TMEM267: variants seen among roughly 807,000 people sequenced by gnomAD.
TMEM267 encodes the protein transmembrane protein C5orf28.
Under a neutral mutation model 19.3 loss-of-function variants are expected in TMEM267, and 20 were observed. The ratio of observed to expected loss-of-function variants is 1.04; its 90% CI spans 0.73 to 1.51. The LOEUF (loss-of-function observed/expected upper bound fraction) is 1.51. Among genes scored for constraint, TMEM267 ranks in the 40% most tolerant of loss-of-function variants. The pLI, the probability that TMEM267 is intolerant of heterozygous loss-of-function variation, is 0.00. For synonymous variants in TMEM267, 88 were observed against 90.3 expected, an observed-to-expected ratio of 0.97 and a Z score of 0.15; for missense variants, 242 against 261.9, an observed-to-expected ratio of 0.92 and a Z score of 0.52.
chr5:43,451,146 C>A (rs1166161851), intron 2 of TMEM267, among the ~76,000 whole-genome samples: 1 of 152,054 alleles, frequency 6.6e-6, no homozygotes, highest in African/African-American at 2.4e-5. Flanking sequence ...TTAATATTTA[C>A]CAGGACATGT....
chr5:43,463,431 T>C (rs1743403930), intron 1 of TMEM267, among the ~76,000 whole-genome samples: 1 of 152,130 alleles, frequency 6.6e-6, no homozygotes, highest in African/African-American at 2.4e-5. Context: ...CCTCCCTAAC[T>C]CATTTTATGA....
intron 1 of TMEM267, among the ~76,000 whole-genome samples, chr5:43,478,620 T>C (rs1440008110): frequency 6.6e-6 from 1 of 152,150 alleles, no homozygotes; most frequent in Non-Finnish European, 1.5e-5. Context: ...GGAGGAAATT[T>C]AGAACATTTA....
At position 43,476,508 on chromosome 5, in the gene TMEM267, C is replaced by CTTTT. The variant is rs67848213; in HGVS notation, c.-75+7310_-75+7313dup. On this transcript the variant is annotated intron_variant, in intron 1 of 2. Coordinates refer to ENST00000397080, the MANE Select transcript of TMEM267 (RefSeq NM_022483.5). ...ATCCTAACTGATACAAAAGCCAGAC[C>CTTTT]TTTTTTTTTTTTTTTTTTTTTTTTT... Among the ~76,000 whole-genome samples, 40 of 54,830 alleles carry CTTTT rather than the reference C, an allele frequency of 7.3e-4. 2 individuals are homozygous for CTTTT. Among genetic ancestry groups the CTTTT allele is most frequent in the African/African-American group, 1.6e-3 (21 of 12,824 alleles). The allele number at this position is 54,830 out of a possible 152,430, so 36.0% of individuals were successfully genotyped here.
chr5:43,481,198 G>A (rs1423956905), intron 1 of TMEM267, among the ~76,000 whole-genome samples: 2 of 146,074 alleles, frequency 1.4e-5, no homozygotes, highest in Non-Finnish European at 3.0e-5. Flanking sequence ...TTGAACTCAT[G>A]GGCTCCTGCT....
At chr5:43,464,109 T>A (rs865813654) in intron 1 of TMEM267, among the ~76,000 whole-genome samples, 1 of 152,154 alleles carries the variant, frequency 6.6e-6, no homozygotes, top group East Asian at 1.9e-4. Context: ...CAGCAAAGTC[T>A]CAGGATACAA....
At chr5:43,467,244 T>C (rs1743795026) in intron 1 of TMEM267, among the ~76,000 whole-genome samples, 1 of 151,290 alleles carries the variant, frequency 6.6e-6, no homozygotes, top group Middle Eastern at 3.2e-3. Context: ...TTATTAATGA[T>C]AACATTAAAT....
At chr5:43,466,607 T>C (rs1018921082) in intron 1 of TMEM267, among the ~76,000 whole-genome samples, 2 of 151,958 alleles carry the variant, frequency 1.3e-5, no homozygotes, top group African/African-American at 4.8e-5. Flanking sequence ...AAATAGAAAG[T>C]GAAAAAGTAG....
At position 43,466,329 on chromosome 5, in the gene TMEM267, T is replaced by C. The variant is rs552827840; in HGVS notation, c.-74-12286A>G. Among the ~76,000 whole-genome samples the C allele has an allele frequency of 2.0e-5, 3 of 152,314 alleles. No individual in the cohort carries two copies. In the East Asian group the frequency reaches 5.8e-4, roughly 29 times the overall value. On this transcript the variant is annotated intron_variant, in intron 1 of 2. Coordinates refer to ENST00000397080, the MANE Select transcript of TMEM267 (RefSeq NM_022483.5). ...CTTTTCAGTGGAAACCTTTTCAGGC[T>C]AGGAGACAGTGGTATGACATCTTAA...
intron 2 of TMEM267, 104 bp from the exon 3 acceptor site, chr5:43,446,661 TG>T (rs1742256800): frequency 1.5e-6 from 1 of 671,542 alleles, no homozygotes; most frequent in East Asian, 2.8e-5. Flanking sequence ...CTATTGGACA[TG>T]CAAAAGAAAC....
intron 1 of TMEM267, among the ~76,000 whole-genome samples, chr5:43,455,697 G>A (rs1411877085): frequency 2.0e-5 from 3 of 152,034 alleles, no homozygotes; most frequent in African/African-American, 4.8e-5. Flanking sequence ...ACAGGTGCCC[G>A]CCACCATGCC....
intron 1 of TMEM267, among the ~76,000 whole-genome samples, chr5:43,461,442 G>GT: frequency 6.6e-6 from 1 of 152,256 alleles, no homozygotes; most frequent in South Asian, 2.1e-4. Flanking sequence ...TTCACCTTAG[G>GT]TATCAGCACA....
intron 1 of TMEM267, among the ~76,000 whole-genome samples, chr5:43,468,779 A>G (rs766622554): frequency 6.6e-6 from 1 of 152,262 alleles, no homozygotes; most frequent in Non-Finnish European, 1.5e-5. Context: ...TGCAGAATAT[A>G]CATTCTTTTC....
chr5:43,459,740 T>C (rs938631564), intron 1 of TMEM267, among the ~76,000 whole-genome samples: 1 of 152,118 alleles, frequency 6.6e-6, no homozygotes, highest in African/African-American at 2.4e-5. Flanking sequence ...AATAATATAA[T>C]TTATAAATTT....
In TMEM267 at chr5:43,446,168, T is replaced by C. The variant is rs1246859296; in HGVS notation, c.*54A>G. The C allele has an allele frequency of 3.7e-6, 4 of 1,076,898 alleles. No homozygotes were observed. The highest frequency in any genetic ancestry group is 5.5e-6 in the Non-Finnish European group (4 of 733,036). 66.7% of individuals were successfully genotyped at this position (1,076,898 alleles called of 1,614,324 possible). A position where few individuals can be genotyped will look rare whatever the true frequency, so the allele number is the denominator to read the frequency against. ...TTTAAAAATTAACTTTAATGTTGGC[T>C]ACTCTTAATTATCATCATCTGAGCC... On this transcript the variant is annotated 3_prime_UTR_variant, in exon 3 of 3. Coordinates refer to ENST00000397080, the MANE Select transcript of TMEM267 (RefSeq NM_022483.5).
At chr5:43,481,182 G>T (rs577325326) in intron 1 of TMEM267, among the ~76,000 whole-genome samples, 2 of 139,648 alleles carry the variant, frequency 1.4e-5, no homozygotes, top group Non-Finnish European at 3.0e-5. Context: ...ATAGCTCACT[G>T]TAACCTTGAA....
chr5:43,472,263 T>C (rs1391506619), intron 1 of TMEM267, among the ~76,000 whole-genome samples: 1 of 151,976 alleles, frequency 6.6e-6, no homozygotes, highest in Non-Finnish European at 1.5e-5. Context: ...CCAGTTAAAA[T>C]GGCTTATATC....
intron 2 of TMEM267, among the ~76,000 whole-genome samples, chr5:43,452,699 A>C (rs1742683662): frequency 6.6e-6 from 1 of 152,166 alleles, no homozygotes; most frequent in South Asian, 2.1e-4. Context: ...TGCTAACTCT[A>C]CTTATAGCAC....
At chr5:43,470,424 G>A (rs1228209543) in intron 1 of TMEM267, among the ~76,000 whole-genome samples, 1 of 152,170 alleles carries the variant, frequency 6.6e-6, no homozygotes, top group Non-Finnish European at 1.5e-5. Context: ...CTACAGGTGT[G>A]AGCCACCATG....
chr5:43,475,092 G>A (rs1744331369), intron 1 of TMEM267, among the ~76,000 whole-genome samples: 1 of 152,184 alleles, frequency 6.6e-6, no homozygotes, highest in Non-Finnish European at 1.5e-5. Context: ...GTTTATTGTG[G>A]CACTGTTTAC....
Sources: gnomAD v4.1 joint callset for allele counts (sites outside exome capture counted in the v4.1 genomes callset) on GRCh38, gnomAD v4.1.1 for gene constraint, MANE v1.5 for transcripts, NCBI Gene and HGNC (gene_info 2026-07-23, HGNC 2026-07-21) for gene names.